The following DCST1 variants were observed in gnomAD, a reference collection of about 807,000 sequenced individuals.
DCST1 encodes the protein E3 ubiquitin-protein ligase DCST1.
Under a neutral mutation model 89.1 loss-of-function variants are expected in DCST1, and 78 were observed. That is an observed-to-expected ratio of 0.88 (90% CI 0.73 to 1.06). The LOEUF (loss-of-function observed/expected upper bound fraction) is 1.06. Among genes scored for constraint, DCST1 ranks in the 50% least tolerant of loss-of-function variants. DCST1 has a pLI of 0.00. For missense variants in DCST1, 900 were observed against 928.6 expected (o/e 0.97, Z 0.40); for synonymous variants, 364 against 371.9 (o/e 0.98, Z 0.24).
intron 13 of DCST1, 77 bp from the exon 14 acceptor site, chr1:155,047,119 C>A: frequency 8.5e-7 from 1 of 1,171,860 alleles, no homozygotes; most frequent in Non-Finnish European, 1.3e-6. Flanking sequence ...CTTGACCCCT[C>A]CCTGACATCC....
intron 4 of DCST1, among the ~76,000 whole-genome samples, chr1:155,037,075 C>A (rs1159826909): frequency 2.0e-5 from 3 of 152,198 alleles, no homozygotes; most frequent in Non-Finnish European, 4.4e-5. Context: ...AAGCAGAGCA[C>A]CTTATGGTTG....
rs1325873870 is a variant in DCST1 at position 155,050,635 on chromosome 1, ATCCTGCACCGCGGCTGCCCGC to A, written c.1895_1915del (p.His632_Leu638del). Reference sequence around the variant, plus strand: ...CCAACAGCGCCACCCGCTGGCGGATATCCTGCACCGCGGCTGCCCGCTCCTGCGCCGCTGGCTGTGCCGGCG... The same window carrying A: ...CCAACAGCGCCACCCGCTGGCGGATATCCTGCGCCGCTGGCTGTGCCGGCG... On this transcript the variant is annotated inframe_deletion, in exon 17 of 17. Transcript: ENST00000295542. 4 of 1,592,656 alleles carry A rather than the reference ATCCTGCACCGCGGCTGCCCGC, an allele frequency of 2.5e-6. No individual in the cohort carries two copies. The highest frequency in any genetic ancestry group is 3.4e-6 in the Non-Finnish European group (4 of 1,174,052).
chr1:155,044,648 T>G (rs1660556231), intron 10 of DCST1, among the ~76,000 whole-genome samples: 4 of 152,166 alleles, frequency 2.6e-5, no homozygotes, highest in Admixed American at 2.6e-4. Context: ...TGGCCGCAGA[T>G]GCGGAACGGT....
At chr1:155,041,171 G>A (rs1047455680) in intron 6 of DCST1, among the ~76,000 whole-genome samples, 1 of 152,134 alleles carries the variant, frequency 6.6e-6, no homozygotes, top group Admixed American at 6.5e-5. Context: ...TGGGAGGTAC[G>A]CAGAGCCAGG....
chr1:155,041,327 C>T, intron 6 of DCST1, 70 bp from the exon 7 acceptor site: 1 of 1,526,340 alleles, frequency 6.6e-7, no homozygotes, highest in Non-Finnish European at 9.0e-7. Flanking sequence ...TGGGGGAGGA[C>T]AGGCCCTCAG....
At chr1:155,040,240 T>C (rs1166108708) in intron 5 of DCST1, among the ~76,000 whole-genome samples, 1 of 143,366 alleles carries the variant, frequency 7.0e-6, no homozygotes, top group African/African-American at 2.6e-5. Flanking sequence ...GAGGCGGAGG[T>C]TGCAATGAGC....
At chr1:155,050,128 G>A (rs1340506990) in intron 16 of DCST1, among the ~76,000 whole-genome samples, 1 of 152,256 alleles carries the variant, frequency 6.6e-6, no homozygotes, top group Non-Finnish European at 1.5e-5. Context: ...GTGGCCTGTG[G>A]AAAATCCCTG....
At position 155,037,507 on chromosome 1, in the gene DCST1, G is replaced by A. The variant is rs561877811; in HGVS notation, c.263-1896G>A. Among the ~76,000 whole-genome samples the A allele has an allele frequency of 1.1e-3, 166 of 145,776 alleles. 1 individual carries two copies. The highest frequency in any genetic ancestry group is 3.6e-3 in the Middle Eastern group (1 of 276). On this transcript the variant is annotated intron_variant, in intron 4 of 16. Coordinates refer to ENST00000295542, the MANE Select transcript of DCST1 (RefSeq NM_152494.4). ...CCCCCAGGCTGGAATGCAGTGGCAC[G>A]ATCTCAGCTCACTGCAATCTCCGCC... is the stretch of plus-strand genomic sequence containing the variant.
At position 155,046,237 on chromosome 1, in the gene DCST1, G is replaced by T. The variant is rs769592079; in HGVS notation, c.1368+17G>T. 10 of 1,614,194 alleles carry T rather than the reference G, an allele frequency of 6.2e-6. No individual in the cohort carries two copies. In the East Asian group the frequency reaches 2.2e-4, roughly 36 times the overall value. Reference sequence around the variant, plus strand: ...AGCAATGTGGTGAGGACAGCATGGGGAGCGGACTCCTGGGTGCAAAGACAG... The same window carrying T: ...AGCAATGTGGTGAGGACAGCATGGGTAGCGGACTCCTGGGTGCAAAGACAG... On this transcript the variant is annotated intron_variant, in intron 12 of 16. Coordinates refer to ENST00000295542, the MANE Select transcript of DCST1 (RefSeq NM_152494.4).
At chr1:155,038,399 C>G (rs1000133826) in intron 4 of DCST1, among the ~76,000 whole-genome samples, 7 of 152,208 alleles carry the variant, frequency 4.6e-5, no homozygotes, top group Admixed American at 3.9e-4. Context: ...TATGCTTTTG[C>G]AAGATCACTC....
chr1:155,044,651 G>A (rs1444580454), intron 10 of DCST1, among the ~76,000 whole-genome samples: 2 of 152,194 alleles, frequency 1.3e-5, no homozygotes, highest in East Asian at 1.9e-4. Context: ...CCGCAGATGC[G>A]GAACGGTGGT....
At chr1:155,037,987 C>A (rs1022425375) in intron 4 of DCST1, among the ~76,000 whole-genome samples, 1 of 152,240 alleles carries the variant, frequency 6.6e-6, no homozygotes, top group African/African-American at 2.4e-5. Flanking sequence ...CCCTCAGGGG[C>A]TGGGGCAGGG....
chr1:155,039,546 G>A lies in DCST1; in HGVS notation c.391+15G>A, dbSNP rs752779136. On this transcript the variant is annotated intron_variant, in intron 5 of 16. Coordinates refer to ENST00000295542, the MANE Select transcript of DCST1 (RefSeq NM_152494.4). ...CATCTATGTGGGTGAGTATGTGGGG[G>A]CCAGTGAGTTACACTGAAGCAGTGA... 5 of 1,564,432 alleles carry A rather than the reference G, an allele frequency of 3.2e-6. No individual in the cohort carries two copies. The highest frequency in any genetic ancestry group is 1.4e-5 in the African/African-American group (1 of 73,314).
intron 4 of DCST1, 46 bp from the exon 5 acceptor site, chr1:155,039,357 G>A: frequency 6.8e-7 from 1 of 1,469,690 alleles, no homozygotes; most frequent in African/African-American, 1.4e-5. Flanking sequence ...AGGAAGGGAG[G>A]CAGCTTCCTC....
In DCST1 at chr1:155,034,294, T is replaced by A. The variant is rs1293425262; in HGVS notation, c.62-141T>A. ...CATACCACTTCCTCAGGCTCCCTCA[T>A]CCTCCTCCAGGGTCCCCTAAGTTCC... On this transcript the variant is annotated intron_variant, in intron 2 of 16. Transcript: ENST00000295542. The A allele has an allele frequency of 2.5e-6, 4 of 1,593,562 alleles. No homozygotes were observed. The African/African-American group carries it at 5.4e-5, about 21-fold the overall frequency.
rs1316165512 is a variant in DCST1, at chr1:155,043,396, GCGC to G, written c.1060_1062del (p.Arg354del). ...TGCTGGGGCTCAACACAAGCTGGGA[GCGC>G]GTGAGCACCGAGGTGCGGGACTACG... is the stretch of plus-strand genomic sequence containing the variant. On this transcript the variant is annotated inframe_deletion, in exon 10 of 17. Transcript: ENST00000295542. 6.2e-7 allele frequency: 1 copy of G among 1,614,054 alleles called. No individual in the cohort carries two copies. Among genetic ancestry groups the G allele is most frequent in the Non-Finnish European group, 8.5e-7 (1 of 1,179,970 alleles).
chr1:155,037,438 C>CTTTT lies in DCST1; in HGVS notation c.263-1945_263-1942dup, dbSNP rs781136167. Reference sequence around the variant, plus strand: ...CTTCCAGGAAATCCACATTGTTGGTCTTTTTTTTTTTTTTTTTTTTTTTAA... The same window carrying CTTTT: ...CTTCCAGGAAATCCACATTGTTGGTCTTTTTTTTTTTTTTTTTTTTTTTTTTTAA... On this transcript the variant is annotated intron_variant, in intron 4 of 16. Coordinates refer to ENST00000295542, the MANE Select transcript of DCST1 (RefSeq NM_152494.4). Among the ~76,000 whole-genome samples, 4 of 125,814 alleles carry CTTTT rather than the reference C, an allele frequency of 3.2e-5. No homozygotes were observed. The East Asian group carries it at 6.9e-4, about 22-fold the overall frequency. The allele number at this position is 125,814 out of a possible 152,430, so 82.5% of individuals were successfully genotyped here.
chr1:155,047,054 G>A, intron 13 of DCST1, 142 bp from the exon 14 acceptor site: 1 of 762,114 alleles, frequency 1.3e-6, no homozygotes, highest in South Asian at 1.5e-5. Context: ...GCAGGGAGGG[G>A]TTAGGATTCA....
At chr1:155,035,754 A>T (rs1013762970) in intron 4 of DCST1, among the ~76,000 whole-genome samples, 2 of 151,930 alleles carry the variant, frequency 1.3e-5, no homozygotes, top group Admixed American at 6.6e-5. Context: ...ACATGGTGAA[A>T]CCCTGTCTCC....
Sources: gnomAD v4.1 joint callset for allele counts (sites outside exome capture counted in the v4.1 genomes callset) on GRCh38, gnomAD v4.1.1 for gene constraint, MANE v1.5 for transcripts, NCBI Gene and HGNC (gene_info 2026-07-23, HGNC 2026-07-21) for gene names.